BMPR1B: variants seen among roughly 807,000 people sequenced by gnomAD.
BMPR1B encodes the protein bone morphogenetic protein receptor type 1B, also known as bone morphogenetic protein receptor type-1B.
Under a neutral mutation model 59.1 loss-of-function variants are expected in BMPR1B, and 12 were observed. That is an observed-to-expected ratio of 0.20 (90% CI 0.13 to 0.33). The LOEUF is 0.33. BMPR1B is among the 10% of genes least tolerant of loss of function. BMPR1B has a pLI of 1.00. For missense variants in BMPR1B, 550 were observed against 610.9 expected, an observed-to-expected ratio of 0.90 and a Z score of 1.05; for synonymous variants, 237 against 207.3, an observed-to-expected ratio of 1.14 and a Z score of -1.23.
chr4:94,913,766 A>G (rs1009694273), intron 2 of BMPR1B, among the ~76,000 whole-genome samples: 4 of 151,600 alleles, frequency 2.6e-5, no homozygotes, highest in Non-Finnish European at 5.9e-5. Flanking sequence ...TCAGTGAAGC[A>G]TCATTCAATT....
chr4:95,145,942 A>T (rs924649352), intron 10 of BMPR1B, among the ~76,000 whole-genome samples: 6 of 152,176 alleles, frequency 3.9e-5, no homozygotes, highest in African/African-American at 1.4e-4. Flanking sequence ...TTTCCCTTTA[A>T]ATTATCCATA....
At chr4:94,864,079 TA>T (rs1414848782) in intron 1 of BMPR1B, among the ~76,000 whole-genome samples, 5 of 152,292 alleles carry the variant, frequency 3.3e-5, no homozygotes, top group African/African-American at 1.2e-4. Flanking sequence ...CTATTATTTA[TA>T]AAACAAAAGA....
rs1472854991 is a variant in BMPR1B, at chr4:95,155,004, C to T, written c.*331C>T. Reference sequence around the variant, plus strand: ...ATGCTTTCATTTTGCCAAAATAAAACAGATAATGTGGATGGTTTAAGGGTT... The same window carrying T: ...ATGCTTTCATTTTGCCAAAATAAAATAGATAATGTGGATGGTTTAAGGGTT... On this transcript the variant is annotated 3_prime_UTR_variant, in exon 13 of 13. Transcript: ENST00000515059. 3.2e-6 allele frequency: 1 copy of T among 317,322 alleles called. No individual in the cohort carries two copies. The allele number at this position is 317,322 out of a possible 1,614,324, so 19.7% of individuals were successfully genotyped here. A position where few individuals can be genotyped will look rare whatever the true frequency, so the allele number is the denominator to read the frequency against.
intron 3 of BMPR1B, among the ~76,000 whole-genome samples, chr4:95,050,859 A>G (rs1726448769): frequency 6.6e-6 from 1 of 152,204 alleles, no homozygotes; most frequent in Admixed American, 6.5e-5. Context: ...TAAAACAAAA[A>G]CAATTTTGAA....
rs1191263210 is a variant in BMPR1B at position 95,156,528 on chromosome 4, G to A, written c.*1855G>A. 2.0e-5 allele frequency: 3 copies of A among 151,930 alleles called. No homozygotes were observed. Among genetic ancestry groups the A allele is most frequent in the African/African-American group, 7.3e-5 (3 of 41,352 alleles). 9.4% of individuals were successfully genotyped at this position (151,930 alleles called of 1,614,324 possible). Reference sequence around the variant, plus strand: ...AAACATTCTAAAGCAATGAGACTTTGTGAGCTGTGCTTACAGTTTGGGAGA... The same window carrying A: ...AAACATTCTAAAGCAATGAGACTTTATGAGCTGTGCTTACAGTTTGGGAGA... On this transcript the variant is annotated 3_prime_UTR_variant, in exon 13 of 13. Transcript: ENST00000515059.
In BMPR1B at chr4:95,158,014, G is replaced by C. The variant is rs894506341; in HGVS notation, c.*3341G>C. 1 of 152,144 alleles carries C rather than the reference G, an allele frequency of 6.6e-6. No individual in the cohort carries two copies. The highest frequency in any genetic ancestry group is 1.5e-5 in the Non-Finnish European group (1 of 68,014). The allele number at this position is 152,144 out of a possible 1,614,324, so 9.4% of individuals were successfully genotyped here. On this transcript the variant is annotated 3_prime_UTR_variant, in exon 13 of 13. Transcript: ENST00000515059. ...CTACAGTCATACATATTCATTAGAA[G>C]TTTTATGTTGTTGGTCTGATCTGAT... is the stretch of plus-strand genomic sequence containing the variant.
chr4:94,897,791 G>A (rs1347350438), intron 2 of BMPR1B, among the ~76,000 whole-genome samples: 3 of 151,862 alleles, frequency 2.0e-5, no homozygotes, highest in Non-Finnish European at 2.9e-5. Context: ...TTGATATTAT[G>A]AGGTGTGTGT....
intron 4 of BMPR1B, among the ~76,000 whole-genome samples, chr4:95,113,666 C>CA (rs1731795148): frequency 6.6e-6 from 1 of 152,244 alleles, no homozygotes; most frequent in African/African-American, 2.4e-5. Context: ...TGGCATTCAT[C>CA]ACCCAAAGTT....
intron 1 of BMPR1B, among the ~76,000 whole-genome samples, chr4:94,793,158 C>G (rs1723048137): frequency 6.6e-6 from 1 of 151,786 alleles, no homozygotes; most frequent in Admixed American, 6.6e-5. Context: ...CCAATGCTAT[C>G]CCTCCCCCCT....
chr4:95,109,974 A>G (rs532305865), intron 4 of BMPR1B, among the ~76,000 whole-genome samples: 1 of 149,274 alleles, frequency 6.7e-6, no homozygotes, highest in East Asian at 2.0e-4. Flanking sequence ...AGAGGCTGTG[A>G]TTTTAAATTC....
intron 2 of BMPR1B, among the ~76,000 whole-genome samples, chr4:94,923,937 A>C (rs1188733609): frequency 6.6e-6 from 1 of 152,126 alleles, no homozygotes; most frequent in East Asian, 1.9e-4. Flanking sequence ...TAACATGCAT[A>C]AACCACTCTT....
intron 3 of BMPR1B, among the ~76,000 whole-genome samples, chr4:95,036,746 T>G (rs144248903): frequency 6.6e-6 from 1 of 151,422 alleles, no homozygotes; most frequent in Non-Finnish European, 1.5e-5. Flanking sequence ...GTAGTGAGAT[T>G]GTTGGATTTT....
At chr4:94,934,347 GA>G (rs1457473874) in intron 2 of BMPR1B, among the ~76,000 whole-genome samples, 1 of 151,370 alleles carries the variant, frequency 6.6e-6, no homozygotes, top group East Asian at 1.9e-4. Context: ...GAAATAGCAA[GA>G]ACTAATCAAC....
intron 3 of BMPR1B, among the ~76,000 whole-genome samples, chr4:95,013,194 C>T (rs1408238902): frequency 6.6e-6 from 1 of 151,474 alleles, no homozygotes; most frequent in African/African-American, 2.4e-5. Flanking sequence ...AAAGTCCCAC[C>T]AACAATGACT....
intron 2 of BMPR1B, among the ~76,000 whole-genome samples, chr4:94,904,551 G>A (rs1458834639): frequency 6.6e-6 from 1 of 151,928 alleles, no homozygotes; most frequent in Non-Finnish European, 1.5e-5. Context: ...GCCACCTCAG[G>A]TGATTTGTGA....
intron 1 of BMPR1B, among the ~76,000 whole-genome samples, chr4:94,834,356 T>C (rs555764840): frequency 1.3e-5 from 2 of 152,304 alleles, no homozygotes; most frequent in African/African-American, 4.8e-5. Flanking sequence ...ATCTTCCTTA[T>C]CTTCCTGCCA....
chr4:94,981,409 A>G (rs1206546847), intron 2 of BMPR1B, among the ~76,000 whole-genome samples: 1 of 152,138 alleles, frequency 6.6e-6, no homozygotes, highest in Non-Finnish European at 1.5e-5. Context: ...TTTTAATTAA[A>G]TTTCTTCAAG....
intron 2 of BMPR1B, among the ~76,000 whole-genome samples, chr4:94,984,336 T>C (rs992106518): frequency 1.8e-4 from 27 of 152,246 alleles, no homozygotes; most frequent in African/African-American, 6.3e-4. Context: ...TAAATGGTAT[T>C]GATTGCCAGT....
chr4:94,984,232 A>G (rs1347418236), intron 2 of BMPR1B, among the ~76,000 whole-genome samples: 1 of 152,182 alleles, frequency 6.6e-6, no homozygotes, highest in East Asian at 1.9e-4. Context: ...CTTTTTATAC[A>G]TTATTTACTC....
Sources: allele counts gnomAD v4.1 joint callset (sites outside exome capture counted in the v4.1 genomes callset), GRCh38; gene constraint gnomAD v4.1.1; transcripts MANE v1.5; gene names NCBI Gene and HGNC (gene_info 2026-07-23, HGNC 2026-07-21).